HSPG2: variants seen among roughly 807,000 people sequenced by gnomAD.
HSPG2 encodes basement membrane-specific heparan sulfate proteoglycan core protein.
Under a neutral mutation model 526.6 loss-of-function variants are expected in HSPG2, and 278 were observed. The ratio of observed to expected loss-of-function variants is 0.53; its 90% CI spans 0.48 to 0.58. The LOEUF (loss-of-function observed/expected upper bound fraction) is 0.58, where lower values mean the gene tolerates loss of function less well. Among genes scored for constraint, HSPG2 ranks in the 20% least tolerant of loss-of-function variants. The pLI is 0.00. For synonymous variants in HSPG2, 2,465 were observed against 2,555.4 expected (o/e 0.96, Z 1.07); for missense variants, 5,354 against 6,099.5 (o/e 0.88, Z 4.07).
intron 1 of HSPG2, among the ~76,000 whole-genome samples, chr1:21,935,478 T>G (rs1231923821): frequency 6.6e-6 from 1 of 152,160 alleles, no homozygotes; most frequent in African/African-American, 2.4e-5. Context: ...TGGCACACAG[T>G]AGGTGCATGG....
chr1:21,884,442 T>A, intron 13 of HSPG2, 86 bp downstream of exon 13: 1 of 1,556,760 alleles, frequency 6.4e-7, no homozygotes, highest in Non-Finnish European at 8.8e-7. Flanking sequence ...CCTGGCCCCC[T>A]CTGTCCGCAT....
At chr1:21,835,983 CAAAA>C (rs71569851) in intron 75 of HSPG2, among the ~76,000 whole-genome samples, 1 of 75,800 alleles carries the variant, frequency 1.3e-5, no homozygotes, top group Admixed American at 1.6e-4. Flanking sequence ...GATTCCATCT[CAAAA>C]AAAAAAAAAA....
rs771205570 is a variant in HSPG2 at position 21,850,107 on chromosome 1, A to C, written c.7380T>G (p.Val2460=). The change falls in exon 57 of 97, where the codon GTT becomes GTG. Residue 2460 remains valine, a synonymous_variant. Coordinates refer to ENST00000374695, the MANE Select transcript of HSPG2 (RefSeq NM_005529.7). ...TGACCTGGGCATGGGCCTGACCAGC[A>C]ACGAGGCAGTTCAGGTCCAGGGTCT... ...EGQTLDLNCL[V]AGQAHAQVTW... 1.2e-6 allele frequency: 2 copies of C among 1,613,402 alleles called. No homozygotes were observed. Among genetic ancestry groups the C allele is most frequent in the Non-Finnish European group, 8.5e-7 (1 of 1,179,994 alleles).
chr1:21,854,632 A>G lies in HSPG2; in HGVS notation c.6267T>C (p.Gly2089=). The G allele has an allele frequency of 6.3e-7, 1 of 1,575,202 alleles. No homozygotes were observed. The highest frequency in any genetic ancestry group is 8.6e-7 in the Non-Finnish European group (1 of 1,158,938). The part of the protein sequence containing the change: ...HAQVTWYRRG[G]SLPPHTQVHG... ...ATACCTGGGTGTGGGGAGGCAGGCT[A>G]CCCCCTCGCCTGTACCAGGTGACCT... Residue 2089 remains glycine (G), a synonymous_variant, in exon 49 of 97, where the codon GGT becomes GGC. Coordinates refer to ENST00000374695, the MANE Select transcript of HSPG2 (RefSeq NM_005529.7).
At chr1:21,916,597 CAGG>C (rs779082209) in intron 1 of HSPG2, among the ~76,000 whole-genome samples, 42 of 149,794 alleles carry the variant, frequency 2.8e-4, no homozygotes, top group Middle Eastern at 6.9e-3. Flanking sequence ...GAGGCTGAGG[CAGG>C]AGAATTGCGT....
In HSPG2 at chr1:21,851,531, C is replaced by A; in HGVS notation, c.7158+15G>T. 6.2e-7 allele frequency: 1 copy of A among 1,613,584 alleles called. No homozygotes were observed. The highest frequency in any genetic ancestry group is 8.5e-7 in the Non-Finnish European group (1 of 1,180,044). On this transcript the variant is annotated intron_variant, in intron 55 of 96. Coordinates refer to ENST00000374695, the MANE Select transcript of HSPG2 (RefSeq NM_005529.7). ...CGCTTCCTCTTCTTGGCCTGTCTGT[C>A]CTCCAGTCCCATACCTGGTGCCGGA...
rs1474933245 is a variant in HSPG2 at position 21,830,105 on chromosome 1, A to G, written c.11672-14T>C. 1.9e-6 allele frequency: 3 copies of G among 1,579,438 alleles called. No homozygotes were observed. The highest frequency in any genetic ancestry group is 1.1e-5 in the South Asian group (1 of 87,132). On this transcript the variant is annotated splice_polypyrimidine_tract_variant and intron_variant, in intron 85 of 96. Transcript: ENST00000374695. ...GCCCACAGGCCTCTGGGGGGCACAT[A>G]GGCCAGTGAAAAGACACGGAGGTGA...
chr1:21,842,033 G>A lies in HSPG2; in HGVS notation c.9162C>T (p.Leu3054=). The part of the protein sequence containing the change: ...LIHDGAAPIS[L]EWKTRNQELE... ...GCTCCTGGTTCCGGGTCTTCCACTC[G>A]AGGCTGATGGGGGCTGCCCCGTCAT... The change falls in exon 69 of 97, where the codon CTC becomes CTT. Residue 3054 remains leucine (L), a synonymous_variant. Coordinates refer to ENST00000374695, the MANE Select transcript of HSPG2 (RefSeq NM_005529.7). 12 of 1,613,558 alleles carry A rather than the reference G, an allele frequency of 7.4e-6. No homozygotes were observed. The highest frequency in any genetic ancestry group is 3.3e-5 in the South Asian group (3 of 91,080).
intron 86 of HSPG2, 51 bp downstream of exon 86, chr1:21,829,942 C>T (rs912655014): frequency 6.8e-7 from 1 of 1,465,942 alleles, no homozygotes; most frequent in South Asian, 1.2e-5. Context: ...CCCACCCAGC[C>T]TCCCCAGCTG....
At chr1:21,889,939 C>A (rs780662110) in intron 6 of HSPG2, 42 bp downstream of exon 6, 2 of 1,610,362 alleles carry the variant, frequency 1.2e-6, no homozygotes, top group Non-Finnish European at 1.7e-6. Flanking sequence ...GGGGACCCCA[C>A]GAGTCTGGAG....
At position 21,831,765 on chromosome 1, in the gene HSPG2, G is replaced by A. The variant is rs781096574; in HGVS notation, c.11239C>T (p.Arg3747Cys). The A allele has an allele frequency of 1.1e-5, 18 of 1,603,238 alleles. No homozygotes were observed. Among genetic ancestry groups the A allele is most frequent in the Admixed American group, 3.4e-5 (2 of 59,610 alleles). ...CCCAGGGCCAGTGGTGTGGGATGGC[G>A]GATGGTGGCCATGCCTGAGCCTGCA... ...FDAGSGMATIRHPTPLALGHF... is the reference protein window; with the variant it reads ...FDAGSGMATICHPTPLALGHF... The change falls in exon 82 of 97, where the codon CGC becomes TGC. Residue 3747 changes from arginine (R) to cysteine (C), a missense_variant. Physicochemically the swap from Arg to Cys is radical, Grantham distance 180 (BLOSUM62 -3). Coordinates refer to ENST00000374695, the MANE Select transcript of HSPG2 (RefSeq NM_005529.7).
At chr1:21,931,778 A>C (rs963909145) in intron 1 of HSPG2, among the ~76,000 whole-genome samples, 2 of 152,118 alleles carry the variant, frequency 1.3e-5, no homozygotes, top group African/African-American at 4.8e-5. Context: ...TCTCACCCCA[A>C]GGCCAGGCAG....
At chr1:21,857,639 C>T (rs1639447457) in intron 42 of HSPG2, among the ~76,000 whole-genome samples, 1 of 152,120 alleles carries the variant, frequency 6.6e-6, no homozygotes. Flanking sequence ...AGTTCCTGAT[C>T]ACAGACCACA....
chr1:21,828,683 G>T lies in HSPG2; in HGVS notation c.12237+152C>A. 1 of 1,175,318 alleles carries T rather than the reference G, an allele frequency of 8.5e-7. No individual in the cohort carries two copies. The highest frequency in any genetic ancestry group is 1.2e-6 in the Non-Finnish European group (1 of 821,836). 72.8% of individuals were successfully genotyped at this position (1,175,318 alleles called of 1,614,324 possible). A position where few individuals can be genotyped will look rare whatever the true frequency, so the allele number is the denominator to read the frequency against. On this transcript the variant is annotated intron_variant, in intron 88 of 96. Transcript: ENST00000374695. This position sits in a 1 kb window ranked among gnomAD's most constrained non-coding sequence, Gnocchi z 6.0. The stretch of plus-strand genomic sequence containing the variant: ...GTGATCATGCCCATTTTACAGAGGA[G>T]GAAACTGAGGCTCAGAGGTACAGTG...
intron 1 of HSPG2, among the ~76,000 whole-genome samples, chr1:21,915,405 G>C (rs968409498): frequency 6.6e-6 from 1 of 152,242 alleles, no homozygotes; most frequent in Non-Finnish European, 1.5e-5. Context: ...AGGCTGCAGG[G>C]AGCACGTGGG....
In HSPG2 at chr1:21,841,676, G is replaced by A. The variant is rs1359016174; in HGVS notation, c.9194-3C>T. On this transcript the variant is annotated splice_region_variant and splice_polypyrimidine_tract_variant and intron_variant, in intron 69 of 96. Transcript: ENST00000374695. ...ATTGGGACTGATGTGGACGTTGTCT[G>A]TGAGGTTGCATGGGGGAGGGTGAGA... is the stretch of plus-strand genomic sequence containing the variant. 1 of 1,614,140 alleles carries A rather than the reference G, an allele frequency of 6.2e-7. No homozygotes were observed. Among genetic ancestry groups the A allele is most frequent in the African/African-American group, 1.3e-5 (1 of 75,050 alleles).
chr1:21,835,684 T>G, intron 75 of HSPG2, 47 bp from the exon 76 acceptor site: 1 of 1,455,796 alleles, frequency 6.9e-7, no homozygotes, highest in Non-Finnish European at 9.6e-7. Flanking sequence ...AAACAACTGA[T>G]AGAATGCTTT....
rs777826497 is a variant in HSPG2 at position 21,844,199 on chromosome 1, G to A, written c.8565C>T (p.His2855=). ...DLKCVVPGQA[H]AQVTWHKRGG... ...CACGCTTGTGCCACGTGACCTGGGC[G>A]TGGGCCTGCCCGGGCACCACGCACT... Residue 2855 remains histidine, a synonymous_variant, in exon 65 of 97, where the codon CAC becomes CAT. Transcript: ENST00000374695. 8.1e-6 allele frequency: 13 copies of A among 1,613,652 alleles called. No individual in the cohort carries two copies. The highest frequency in any genetic ancestry group is 1.1e-5 in the South Asian group (1 of 91,080).
chr1:21,891,541 C>T (rs1642361880), intron 3 of HSPG2, among the ~76,000 whole-genome samples: 2 of 152,222 alleles, frequency 1.3e-5, no homozygotes, highest in Non-Finnish European at 2.9e-5. Context: ...GTGCCTGGTA[C>T]ACAGCGGGTT....
Sources: allele counts gnomAD v4.1 joint callset (sites outside exome capture counted in the v4.1 genomes callset), GRCh38; gene constraint gnomAD v4.1.1; non-coding constraint Gnocchi (gnomAD v3.1); transcripts MANE v1.5; gene names NCBI Gene and HGNC (gene_info 2026-07-23, HGNC 2026-07-21).